Variants in PLXDC2 observed in about 807,000 individuals in gnomAD.
PLXDC2 encodes the protein plexin domain containing 2.
Under a neutral mutation model 68.9 loss-of-function variants are expected in PLXDC2, and 40 were observed. That is an observed-to-expected ratio of 0.58 (90% CI 0.45 to 0.76). The LOEUF is 0.76. PLXDC2 is among the 30% of genes least tolerant of loss of function. The probability of loss-of-function intolerance (pLI) is 0.00; values close to 1 mark genes in which losing one functional copy is unlikely to be tolerated. For synonymous variants in PLXDC2, 243 were observed against 234.2 expected, an observed-to-expected ratio of 1.04 and a Z score of -0.34; for missense variants, 644 against 661.9, an observed-to-expected ratio of 0.97 and a Z score of 0.30.
intron 13 of PLXDC2, among the ~76,000 whole-genome samples, chr10:20,253,475 A>G (rs1030244959): frequency 6.6e-6 from 1 of 152,024 alleles, no homozygotes; most frequent in Non-Finnish European, 1.5e-5. Flanking sequence ...AGTTATTTCC[A>G]TAATAAAATC....
intron 2 of PLXDC2, among the ~76,000 whole-genome samples, chr10:20,035,730 G>T (rs1835566771): frequency 6.6e-6 from 1 of 151,874 alleles, no homozygotes; most frequent in African/African-American, 2.4e-5. Context: ...AAAAGTATAT[G>T]TTTACCTTTC....
intron 2 of PLXDC2, among the ~76,000 whole-genome samples, chr10:20,039,523 G>A (rs918339865): frequency 6.6e-6 from 1 of 152,112 alleles, no homozygotes; most frequent in Non-Finnish European, 1.5e-5. Flanking sequence ...CTGATCTATA[G>A]TATGTTAAAG....
intron 1 of PLXDC2, among the ~76,000 whole-genome samples, chr10:19,978,720 A>G (rs868571204): frequency 6.6e-6 from 1 of 152,226 alleles, no homozygotes; most frequent in Non-Finnish European, 1.5e-5. Context: ...TAGTGTGCTA[A>G]CAATCATTCA....
At chr10:20,229,365 G>T (rs528331829) in intron 12 of PLXDC2, among the ~76,000 whole-genome samples, 2 of 152,198 alleles carry the variant, frequency 1.3e-5, no homozygotes, top group Non-Finnish European at 2.9e-5. Flanking sequence ...GAAGCCAACT[G>T]CTGATGTGTA....
At chr10:20,089,836 C>A (rs1203547719) in intron 4 of PLXDC2, among the ~76,000 whole-genome samples, 2 of 152,160 alleles carry the variant, frequency 1.3e-5, no homozygotes, top group Non-Finnish European at 2.9e-5. Context: ...ATATAAGAAA[C>A]ACAGAACAAA....
chr10:19,962,384 CTTTTTTTTTTT>C (rs562410398), intron 1 of PLXDC2, among the ~76,000 whole-genome samples: 2 of 27,744 alleles, frequency 7.2e-5, no homozygotes, highest in African/African-American at 3.2e-4. Flanking sequence ...CCCATCTTTA[CTTTTTTTTTTT>C]TTTTTTTTTT....
chr10:20,115,934 G>C (rs1303277682), intron 4 of PLXDC2, among the ~76,000 whole-genome samples: 1 of 152,096 alleles, frequency 6.6e-6, no homozygotes, highest in African/African-American at 2.4e-5. Flanking sequence ...AAATGTCCAT[G>C]GAAAGAATTC....
intron 4 of PLXDC2, among the ~76,000 whole-genome samples, chr10:20,139,485 T>G (rs1039043810): frequency 6.6e-6 from 1 of 152,174 alleles, no homozygotes; most frequent in Non-Finnish European, 1.5e-5. Context: ...TACAAAGACA[T>G]GTAAATAAAA....
At chr10:19,980,707 G>A (rs908861584) in intron 1 of PLXDC2, among the ~76,000 whole-genome samples, 7 of 152,126 alleles carry the variant, frequency 4.6e-5, no homozygotes, top group African/African-American at 1.2e-4. Context: ...GAACACGTGC[G>A]ATCTGGTATT....
chr10:19,930,207 A>G (rs1319046993), intron 1 of PLXDC2, among the ~76,000 whole-genome samples: 1 of 152,164 alleles, frequency 6.6e-6, no homozygotes, highest in Non-Finnish European at 1.5e-5. Context: ...AGATTATTTC[A>G]TTAAGAAACT....
At chr10:19,964,659 G>C (rs1374437246) in intron 1 of PLXDC2, among the ~76,000 whole-genome samples, 1 of 152,096 alleles carries the variant, frequency 6.6e-6, no homozygotes. Context: ...TTGTCCCCTT[G>C]CTGTGTTTTT....
In PLXDC2 at chr10:19,930,958, C is replaced by T. The variant is rs138536862; in HGVS notation, c.113-70817C>T. Among the ~76,000 whole-genome samples, 165 of 151,478 alleles carry T rather than the reference C, an allele frequency of 1.1e-3. 4 individuals are homozygous for T. In the East Asian group the frequency reaches 0.029, roughly 27 times the overall value. ...CAGCCTGGGCGACAGAGAGAGACTC[C>T]GCTGAAAAGAAAGAAAGAGAGAGAG... On this transcript the variant is annotated intron_variant, in intron 1 of 13. Coordinates refer to ENST00000377252, the MANE Select transcript of PLXDC2 (RefSeq NM_032812.9).
At position 20,279,990 on chromosome 10, in the gene PLXDC2, C is replaced by T. The variant is rs1031973288; in HGVS notation, c.*171C>T. ...CTCAGCCCAGGAAACAAAGGGTAAA[C>T]AAAAAACTAAAACTTATACAAGATA... On this transcript the variant is annotated 3_prime_UTR_variant, in exon 14 of 14. Coordinates refer to ENST00000377252, the MANE Select transcript of PLXDC2 (RefSeq NM_032812.9). 1.7e-6 allele frequency: 1 copy of T among 583,510 alleles called. No individual in the cohort carries two copies. The highest frequency in any genetic ancestry group is 3.0e-6 in the Non-Finnish European group (1 of 329,492). The allele number at this position is 583,510 out of a possible 1,614,324, so 36.1% of individuals were successfully genotyped here.
rs551056775 is a variant in PLXDC2 at position 20,127,241 on chromosome 10, A to G, written c.542-16054A>G. Among the ~76,000 whole-genome samples, 68 of 152,280 alleles carry G rather than the reference A, an allele frequency of 4.5e-4. 1 individual carries two copies. The highest frequency in any genetic ancestry group is 3.4e-3 in the Middle Eastern group (1 of 294). ...TATCTTGCCATGAAAAGGGAAAGAC[A>G]GTGAAGAGATTGTCAGCACATTCAG... On this transcript the variant is annotated intron_variant, in intron 4 of 13. Transcript: ENST00000377252.
At chr10:20,196,978 G>A (rs1834848071) in intron 9 of PLXDC2, among the ~76,000 whole-genome samples, 1 of 134,224 alleles carries the variant, frequency 7.5e-6, no homozygotes, top group Non-Finnish European at 1.6e-5. Flanking sequence ...AAAGTCAGAT[G>A]TGGCAAAGTT....
chr10:20,070,501 A>C (rs964314456), intron 4 of PLXDC2, among the ~76,000 whole-genome samples: 6 of 152,208 alleles, frequency 3.9e-5, no homozygotes, highest in Non-Finnish European at 8.8e-5. Flanking sequence ...GCTCACAAGA[A>C]GTATGTCTTT....
At chr10:19,848,987 C>T (rs1225139588) in intron 1 of PLXDC2, among the ~76,000 whole-genome samples, 1 of 152,120 alleles carries the variant, frequency 6.6e-6, no homozygotes, top group African/African-American at 2.4e-5. Context: ...TGTTAATGTC[C>T]TATTAATATC....
chr10:19,851,859 A>G (rs554951298), intron 1 of PLXDC2, among the ~76,000 whole-genome samples: 9 of 152,264 alleles, frequency 5.9e-5, no homozygotes, highest in Admixed American at 2.0e-4. Context: ...CTTTTCTCTT[A>G]TTCTTTGAAG....
In PLXDC2 at chr10:20,279,759, C is replaced by G; in HGVS notation, c.1530C>G (p.Ala510=). Reference sequence around the variant, plus strand: ...TTAGAAGAGGCTCTGGACATCCTGCCTATGCTGAAGTTGAACCAGTTGGAG... The same window carrying G: ...TTAGAAGAGGCTCTGGACATCCTGCGTATGCTGAAGTTGAACCAGTTGGAG... ...MKFRRGSGHP[A]YAEVEPVGEK... Residue 510 remains alanine (A), a synonymous_variant, in exon 14 of 14, where the codon GCC becomes GCG. Coordinates refer to ENST00000377252, the MANE Select transcript of PLXDC2 (RefSeq NM_032812.9). The G allele has an allele frequency of 6.2e-7, 1 of 1,613,986 alleles. No individual in the cohort carries two copies. Among genetic ancestry groups the G allele is most frequent in the Non-Finnish European group, 8.5e-7 (1 of 1,179,936 alleles).
Sources: allele counts gnomAD v4.1 joint callset (sites outside exome capture counted in the v4.1 genomes callset), GRCh38; gene constraint gnomAD v4.1.1; transcripts MANE v1.5; gene names NCBI Gene and HGNC (gene_info 2026-07-23, HGNC 2026-07-21).